Variants in ADGRB3 observed in about 807,000 individuals in gnomAD.
ADGRB3 encodes the protein adhesion G protein-coupled receptor B3, also known as brain-specific angiogenesis inhibitor 3.
In ADGRB3, 37 loss-of-function variants were observed where a neutral mutation model predicts 193.4. The ratio of observed to expected loss-of-function variants is 0.19; its 90% confidence interval spans 0.15 to 0.25. The LOEUF (loss-of-function observed/expected upper bound fraction) is 0.25, where lower values mean the gene tolerates loss of function less well. ADGRB3 is among the 10% of genes least tolerant of loss of function. ADGRB3 has a pLI of 1.00. For missense variants in ADGRB3, 1,637 were observed against 1,852.9 expected (o/e 0.88, Z 2.14); for synonymous variants, 690 against 644.2 (o/e 1.07, Z -1.08).
intron 30 of ADGRB3, among the ~76,000 whole-genome samples, chr6:69,379,140 A>T (rs530807875): frequency 6.2e-4 from 95 of 152,002 alleles, no homozygotes; most frequent in Non-Finnish European, 1.2e-3. Flanking sequence ...ATTGCAAAAG[A>T]TGCATATAAT....
chr6:68,866,553 G>A (rs554771133), intron 3 of ADGRB3, among the ~76,000 whole-genome samples: 31 of 152,306 alleles, frequency 2.0e-4, no homozygotes, highest in African/African-American at 5.3e-4. Context: ...ATGTGGAAGC[G>A]ACTTTGGAAC....
At chr6:68,970,183 T>C (rs1768517943) in intron 8 of ADGRB3, among the ~76,000 whole-genome samples, 1 of 152,208 alleles carries the variant, frequency 6.6e-6, no homozygotes. Flanking sequence ...CTGTACTTAC[T>C]ATTTGAAGTG....
chr6:69,353,963 T>G (rs1769282302), intron 26 of ADGRB3, among the ~76,000 whole-genome samples: 1 of 152,158 alleles, frequency 6.6e-6, no homozygotes, highest in Non-Finnish European at 1.5e-5. Flanking sequence ...CTTGAGAGGC[T>G]GAGGCAGGAA....
intron 20 of ADGRB3, among the ~76,000 whole-genome samples, chr6:69,259,695 CAAAAAAAA>C (rs397887907): frequency 2.6e-5 from 2 of 76,150 alleles, no homozygotes; most frequent in Non-Finnish European, 5.2e-5. Context: ...GACTCTGTCT[CAAAAAAAA>C]AAAAAAAAAA....
intron 17 of ADGRB3, among the ~76,000 whole-genome samples, chr6:69,077,753 T>C (rs35026522): frequency 0.11 from 16,824 of 151,954 alleles, 1,088 homozygotes; most frequent in Middle Eastern, 0.16. Flanking sequence ...AGCTTCTAAG[T>C]TGTCCTTGAA....
chr6:69,094,054 G>A (rs1282294699), intron 17 of ADGRB3, among the ~76,000 whole-genome samples: 1 of 152,168 alleles, frequency 6.6e-6, no homozygotes, highest in Non-Finnish European at 1.5e-5. Context: ...AGGAATCCAG[G>A]AAGGCAGACA....
At chr6:68,995,916 C>G (rs1376188463) in intron 11 of ADGRB3, among the ~76,000 whole-genome samples, 1 of 152,212 alleles carries the variant, frequency 6.6e-6, no homozygotes, top group East Asian at 1.9e-4. Context: ...CTCTTGTATT[C>G]TACTTCCCAC....
At chr6:69,070,070 T>C (rs1772033694) in intron 16 of ADGRB3, among the ~76,000 whole-genome samples, 1 of 152,300 alleles carries the variant, frequency 6.6e-6, no homozygotes, top group African/African-American at 2.4e-5. Flanking sequence ...ATTCATTCTG[T>C]AACATCTGAC....
chr6:68,679,429 T>C (rs541064041), intron 3 of ADGRB3, among the ~76,000 whole-genome samples: 3 of 152,256 alleles, frequency 2.0e-5, no homozygotes, highest in Admixed American at 1.3e-4. Context: ...CTGGCTCATT[T>C]TGGAATGGAA....
intron 3 of ADGRB3, among the ~76,000 whole-genome samples, chr6:68,814,859 C>G (rs1373038705): frequency 6.6e-6 from 1 of 152,118 alleles, no homozygotes; most frequent in African/African-American, 2.4e-5. Flanking sequence ...TGTAATCCAG[C>G]ATATAATCAG....
intron 23 of ADGRB3, 142 bp from the exon 24 acceptor site, chr6:69,332,781 A>G: frequency 1.4e-6 from 2 of 1,428,328 alleles, no homozygotes; most frequent in Non-Finnish European, 1.8e-6. Flanking sequence ...GCCTCTGCTC[A>G]CTTATAAAAT....
chr6:68,978,887 C>T (rs1404447066), intron 10 of ADGRB3, among the ~76,000 whole-genome samples: 1 of 151,226 alleles, frequency 6.6e-6, no homozygotes, highest in Non-Finnish European at 1.5e-5. Flanking sequence ...AAATAGGGAG[C>T]TCTATGTTTT....
At chr6:68,801,002 A>G (rs1582212610) in intron 3 of ADGRB3, among the ~76,000 whole-genome samples, 2 of 151,570 alleles carry the variant, frequency 1.3e-5, no homozygotes, top group Admixed American at 1.3e-4. Flanking sequence ...ATTCTAAGAC[A>G]TAAAAGAAAG....
intron 3 of ADGRB3, among the ~76,000 whole-genome samples, chr6:68,689,678 T>C (rs940456805): frequency 3.3e-5 from 5 of 152,066 alleles, no homozygotes; most frequent in African/African-American, 1.2e-4. Flanking sequence ...TGTTTGTTTT[T>C]GTTTTTTTTA....
chr6:68,728,301 C>A (rs1765709440), intron 3 of ADGRB3, among the ~76,000 whole-genome samples: 1 of 151,300 alleles, frequency 6.6e-6, no homozygotes, highest in Non-Finnish European at 1.5e-5. Context: ...TGAGATTTGA[C>A]AATGTTGCAA....
At chr6:69,029,350 A>G (rs1770546285) in intron 13 of ADGRB3, among the ~76,000 whole-genome samples, 1 of 152,216 alleles carries the variant, frequency 6.6e-6, no homozygotes, top group African/African-American at 2.4e-5. Flanking sequence ...ATCTTAGATC[A>G]TGAAAAAGTG....
intron 26 of ADGRB3, among the ~76,000 whole-genome samples, chr6:69,346,638 C>T (rs973002869): frequency 6.6e-6 from 1 of 152,178 alleles, no homozygotes; most frequent in Non-Finnish European, 1.5e-5. Context: ...AAATGCAAAT[C>T]AAAACCTCAG....
intron 11 of ADGRB3, among the ~76,000 whole-genome samples, chr6:68,997,500 A>G (rs1465302989): frequency 6.7e-6 from 1 of 150,112 alleles, no homozygotes; most frequent in Non-Finnish European, 1.5e-5. Flanking sequence ...AAAAAAAAAA[A>G]AAAAAAAAAG....
intron 19 of ADGRB3, 63 bp downstream of exon 19, chr6:69,235,198 T>A: frequency 8.1e-7 from 1 of 1,236,264 alleles, no homozygotes; most frequent in Non-Finnish European, 1.2e-6. Context: ...AATCAAGGAA[T>A]GTGATAATTA....
Sources: allele counts gnomAD v4.1 joint callset (sites outside exome capture counted in the v4.1 genomes callset), GRCh38; gene constraint gnomAD v4.1.1; transcripts MANE v1.5; gene names NCBI Gene and HGNC (gene_info 2026-07-23, HGNC 2026-07-21).